The following NOSIP variants were observed in gnomAD, a reference collection of about 807,000 sequenced individuals.
NOSIP encodes the protein nitric oxide synthase-interacting protein.
NOSIP carries 25 observed loss-of-function variants against 36.4 expected under a neutral mutation model. That is an observed-to-expected ratio of 0.69 (90% CI 0.50 to 0.96). The LOEUF (loss-of-function observed/expected upper bound fraction) is 0.96, where lower values mean the gene tolerates loss of function less well. NOSIP is among the 40% of genes least tolerant of loss of function. The pLI, the probability that NOSIP is intolerant of heterozygous loss-of-function variation, is 0.00. For missense variants in NOSIP, 370 were observed against 429.0 expected (o/e 0.86, Z 1.21); for synonymous variants, 187 against 179.2 (o/e 1.04, Z -0.35).
rs2080319822 is a variant in NOSIP, at chr19:49,560,608, C to T, written c.70+14G>A. On this transcript the variant is annotated intron_variant, in intron 2 of 8. Coordinates refer to ENST00000596358, the MANE Select transcript of NOSIP (RefSeq NM_001270960.2). This position sits in a 1 kb window ranked among gnomAD's most constrained non-coding sequence, Gnocchi z 4.6. ...CACAGCCATGTCCCGCCTCTTCCCA[C>T]CCCAGCCCTGCACCTGTGTCCTTCT... 1 of 1,573,656 alleles carries T rather than the reference C, an allele frequency of 6.4e-7. No homozygotes were observed. Among genetic ancestry groups the T allele is most frequent in the African/African-American group, 1.3e-5 (1 of 74,182 alleles).
intron 1 of NOSIP, among the ~76,000 whole-genome samples, chr19:49,577,410 A>G (rs1432144603): frequency 6.6e-6 from 1 of 152,092 alleles, no homozygotes; most frequent in Non-Finnish European, 1.5e-5. Context: ...TACAAAAATT[A>G]GCTAGGCGTG....
At chr19:49,570,448 T>G (rs958819746) in intron 1 of NOSIP, among the ~76,000 whole-genome samples, 2 of 152,148 alleles carry the variant, frequency 1.3e-5, no homozygotes, top group Non-Finnish European at 2.9e-5. Flanking sequence ...CAAAGACCTT[T>G]ACAGTTGGAT....
intron 1 of NOSIP, among the ~76,000 whole-genome samples, chr19:49,574,647 G>A (rs571156348): frequency 9.9e-5 from 15 of 152,208 alleles, no homozygotes; most frequent in African/African-American, 3.4e-4. Flanking sequence ...AGCATTGTGG[G>A]GTTCTGGTGA....
At chr19:49,572,086 C>T (rs1180299105) in intron 1 of NOSIP, among the ~76,000 whole-genome samples, 1 of 149,780 alleles carries the variant, frequency 6.7e-6, no homozygotes, top group Non-Finnish European at 1.5e-5. Context: ...TTCAGTAATT[C>T]AGATGCTAAA....
chr19:49,575,599 AGAG>A (rs2080541640), intron 1 of NOSIP, among the ~76,000 whole-genome samples: 1 of 152,204 alleles, frequency 6.6e-6, no homozygotes, highest in African/African-American at 2.4e-5. Context: ...CTAGGAAGTC[AGAG>A]GATATAGCAG....
chr19:49,559,918 C>T lies in NOSIP; in HGVS notation c.176+16G>A, dbSNP rs756292820. The T allele has an allele frequency of 6.3e-7, 1 of 1,596,348 alleles. No homozygotes were observed. The highest frequency in any genetic ancestry group is 8.6e-7 in the Non-Finnish European group (1 of 1,167,082). Reference sequence around the variant, plus strand: ...CTCTCCCCACCCAGACCTACCCATCCCTGTTCCCAGCTCACGTGACAACAG... The same window carrying T: ...CTCTCCCCACCCAGACCTACCCATCTCTGTTCCCAGCTCACGTGACAACAG... On this transcript the variant is annotated intron_variant, in intron 3 of 8. Coordinates refer to ENST00000596358, the MANE Select transcript of NOSIP (RefSeq NM_001270960.2).
chr19:49,560,514 G>C lies in NOSIP; in HGVS notation c.70+108C>G, dbSNP rs576651178. The C allele has an allele frequency of 2.6e-6, 2 of 766,782 alleles. No individual in the cohort carries two copies. Among genetic ancestry groups the C allele is most frequent in the Non-Finnish European group, 2.2e-6 (1 of 460,548 alleles). The allele number at this position is 766,782 out of a possible 1,614,324, so 47.5% of individuals were successfully genotyped here. ...ATGGTCATGGCCATCAGTGTATATCGGGGGCGGGAGAGAGACAGGGACAGA... is the reference window on the plus strand; with the variant it reads ...ATGGTCATGGCCATCAGTGTATATCCGGGGCGGGAGAGAGACAGGGACAGA... On this transcript the variant is annotated intron_variant, in intron 2 of 8. Coordinates refer to ENST00000596358, the MANE Select transcript of NOSIP (RefSeq NM_001270960.2). This position sits in a 1 kb window ranked among gnomAD's most constrained non-coding sequence, Gnocchi z 4.6.
In NOSIP at chr19:49,558,880, CTCCCCA is replaced by C; in HGVS notation, c.258+11_258+16del. 6.2e-7 allele frequency: 1 copy of C among 1,608,822 alleles called. No individual in the cohort carries two copies. The highest frequency in any genetic ancestry group is 1.1e-5 in the South Asian group (1 of 90,968). On this transcript the variant is annotated intron_variant, in intron 4 of 8. Transcript: ENST00000596358. ...AGCTCCTGCCTCCGTGTGCCGCCTC[CTCCCCA>C]TCCCCATCACCTTCATCTGCCGGGC... is the stretch of plus-strand genomic sequence containing the variant.
intron 8 of NOSIP, 102 bp from the exon 9 acceptor site, chr19:49,555,924 G>A: frequency 1.2e-6 from 1 of 830,594 alleles, no homozygotes; most frequent in South Asian, 1.5e-5. Context: ...AGGTGAAGCG[G>A]GTTGCTGGCT....
chr19:49,555,854 G>T, intron 8 of NOSIP, 32 bp from the exon 9 acceptor site: 3 of 1,561,374 alleles, frequency 1.9e-6, no homozygotes, highest in Non-Finnish European at 2.6e-6. Context: ...ACGAGGTAGA[G>T]GCCGGCCCGG....
At chr19:49,561,165 G>T (rs1187845053) in intron 1 of NOSIP, among the ~76,000 whole-genome samples, 1 of 152,140 alleles carries the variant, frequency 6.6e-6, no homozygotes, top group Non-Finnish European at 1.5e-5. Context: ...CTTAGCTAAG[G>T]CTTGACACTT....
Position 49,556,996 on chromosome 19 carries a change from GT to G in NOSIP, c.419-4del. On this transcript the variant is annotated splice_region_variant and splice_polypyrimidine_tract_variant and intron_variant, in intron 5 of 8. Coordinates refer to ENST00000596358, the MANE Select transcript of NOSIP (RefSeq NM_001270960.2). The stretch of plus-strand genomic sequence containing the variant: ...ACTGGGCCCAGGTTGGACATCATCT[GT>G]GGGGGAAGGAAGGGACTCAGATGCC... 6.2e-7 allele frequency: 1 copy of G among 1,605,312 alleles called. No individual in the cohort carries two copies. Among genetic ancestry groups the G allele is most frequent in the Non-Finnish European group, 8.5e-7 (1 of 1,175,732 alleles).
intron 4 of NOSIP, chr19:49,557,500 T>G: frequency 7.6e-7 from 1 of 1,310,104 alleles, no homozygotes; most frequent in African/African-American, 1.5e-5. Context: ...TGGCCTCAGT[T>G]TCTTCATCTG....
rs1343632877 is a variant in NOSIP at position 49,572,391 on chromosome 19, G to A, written c.-2+8124C>T. Among the ~76,000 whole-genome samples, 6 of 144,758 alleles carry A rather than the reference G, an allele frequency of 4.1e-5. No individual in the cohort carries two copies. The Admixed American group carries it at 4.2e-4, about 10-fold the overall frequency. 95.0% of individuals were successfully genotyped at this position (144,758 alleles called of 152,430 possible). A position where few individuals can be genotyped will look rare whatever the true frequency, so the allele number is the denominator to read the frequency against. On this transcript the variant is annotated intron_variant, in intron 1 of 8. Transcript: ENST00000596358. ...CAAAGTGCTAGGATTACAAGCATGA[G>A]TCACTGCACCCAGCCTTTTTTTTTT...
intron 8 of NOSIP, 40 bp from the exon 9 acceptor site, chr19:49,555,862 C>T (rs745601268): frequency 3.3e-6 from 5 of 1,500,162 alleles, no homozygotes; most frequent in East Asian, 2.3e-5. Flanking sequence ...GAGGCCGGCC[C>T]GGGGGTGACC....
At position 49,555,882 on chromosome 19, in the gene NOSIP, C is replaced by T; in HGVS notation, c.835-60G>A. ...CGGCCCGGGGGTGACCAGTGGGGCT[C>T]CAGGTGGTAGTGGGGATTCCTAAGC... On this transcript the variant is annotated intron_variant, in intron 8 of 8. Coordinates refer to ENST00000596358, the MANE Select transcript of NOSIP (RefSeq NM_001270960.2). 3.9e-6 allele frequency: 5 copies of T among 1,285,376 alleles called. No individual in the cohort carries two copies. The South Asian group carries it at 6.0e-5, about 15-fold the overall frequency. The allele number at this position is 1,285,376 out of a possible 1,614,324, so 79.6% of individuals were successfully genotyped here. A position where few individuals can be genotyped will look rare whatever the true frequency, so the allele number is the denominator to read the frequency against.
chr19:49,557,455 C>G, intron 4 of NOSIP: 1 of 1,413,728 alleles, frequency 7.1e-7, no homozygotes, highest in Non-Finnish European at 9.2e-7. Flanking sequence ...CCATCTCTGT[C>G]ACTCTGTGGC....
intron 1 of NOSIP, among the ~76,000 whole-genome samples, chr19:49,570,636 C>A (rs1407331719): frequency 6.6e-6 from 1 of 152,088 alleles, no homozygotes; most frequent in East Asian, 1.9e-4. Flanking sequence ...AGGGTCCCCT[C>A]CACATGCCAG....
Position 49,555,487 on chromosome 19 carries a change from G to C in NOSIP, c.*264C>G, listed in dbSNP as rs564349495. ...TTGGCCAGGCTGGTCTCGAACTCCT[G>C]ACCTCAAGTGATACGCTAGCCTCGG... On this transcript the variant is annotated 3_prime_UTR_variant, in exon 9 of 9. Transcript: ENST00000596358. Among the ~76,000 whole-genome samples the C allele has an allele frequency of 6.6e-6, 1 of 152,188 alleles. No individual in the cohort carries two copies. The highest frequency in any genetic ancestry group is 2.1e-4 in the South Asian group (1 of 4,832).
Sources: allele counts gnomAD v4.1 joint callset (sites outside exome capture counted in the v4.1 genomes callset), GRCh38; gene constraint gnomAD v4.1.1; non-coding constraint Gnocchi (gnomAD v3.1); transcripts MANE v1.5; gene names NCBI Gene and HGNC (gene_info 2026-07-23, HGNC 2026-07-21).